GALNTL6: variants seen among roughly 807,000 people sequenced by gnomAD.
GALNTL6 encodes polypeptide N-acetylgalactosaminyltransferase-like 6.
In GALNTL6, 46 loss-of-function variants were observed where a neutral mutation model predicts 73.7. The ratio of observed to expected loss-of-function variants is 0.62; its 90% CI spans 0.49 to 0.80. GALNTL6 has a LOEUF of 0.80. GALNTL6 is among the 30% of genes least tolerant of loss of function. The pLI, the probability that GALNTL6 is intolerant of heterozygous loss-of-function variation, is 0.00. For missense variants in GALNTL6, 604 were observed against 755.0 expected (o/e 0.80, Z 2.34); for synonymous variants, 259 against 263.7 (o/e 0.98, Z 0.17).
intron 3 of GALNTL6, among the ~76,000 whole-genome samples, chr4:172,250,061 A>G (rs1387783136): frequency 6.6e-6 from 1 of 152,022 alleles, no homozygotes; most frequent in Non-Finnish European, 1.5e-5. Context: ...CTCAACACCA[A>G]CCTGTGAAAG....
chr4:172,154,214 C>A (rs1272333813), intron 2 of GALNTL6, among the ~76,000 whole-genome samples: 3 of 150,800 alleles, frequency 2.0e-5, no homozygotes, highest in Non-Finnish European at 4.4e-5. Context: ...GGGAGTAAAC[C>A]CTGACTTTGT....
intron 5 of GALNTL6, among the ~76,000 whole-genome samples, chr4:172,572,021 G>A (rs1736781157): frequency 6.6e-6 from 1 of 151,950 alleles, no homozygotes; most frequent in African/African-American, 2.4e-5. Context: ...ACAAAATATT[G>A]GCCATATCTT....
At chr4:172,478,636 C>A (rs1733327172) in intron 5 of GALNTL6, among the ~76,000 whole-genome samples, 1 of 151,908 alleles carries the variant, frequency 6.6e-6, no homozygotes, top group Admixed American at 6.6e-5. Context: ...AAAGAAAATG[C>A]AACAAAAACA....
At chr4:172,983,776 C>T (rs1334959202) in intron 10 of GALNTL6, among the ~76,000 whole-genome samples, 2 of 152,122 alleles carry the variant, frequency 1.3e-5, no homozygotes, top group African/African-American at 4.8e-5. Flanking sequence ...TCATGGAAAG[C>T]AAGTAGCATA....
intron 5 of GALNTL6, among the ~76,000 whole-genome samples, chr4:172,625,025 G>C (rs1739111376): frequency 6.6e-6 from 1 of 151,752 alleles, no homozygotes; most frequent in Admixed American, 6.6e-5. Flanking sequence ...TTGATTCTTT[G>C]TATGGATTTC....
At chr4:172,885,164 C>T (rs1375996293) in intron 8 of GALNTL6, among the ~76,000 whole-genome samples, 1 of 152,066 alleles carries the variant, frequency 6.6e-6, no homozygotes, top group East Asian at 1.9e-4. Context: ...TGAAGAATGT[C>T]ATTGGTAATT....
chr4:172,714,999 A>C (rs1431189022), intron 5 of GALNTL6, among the ~76,000 whole-genome samples: 2 of 152,290 alleles, frequency 1.3e-5, no homozygotes, highest in South Asian at 2.1e-4. Flanking sequence ...CTTCAAAAAA[A>C]AAAAGGAGGA....
intron 3 of GALNTL6, among the ~76,000 whole-genome samples, chr4:172,243,220 T>C (rs1737509125): frequency 1.3e-5 from 2 of 152,290 alleles, no homozygotes; most frequent in East Asian, 3.9e-4. Context: ...TTCTCATACA[T>C]ATCTTCACAA....
chr4:171,866,570 T>C (rs1184935347), intron 2 of GALNTL6, among the ~76,000 whole-genome samples: 2 of 151,932 alleles, frequency 1.3e-5, no homozygotes, highest in African/African-American at 4.8e-5. Context: ...AATTATGAGA[T>C]TATAACTGTT....
At chr4:172,345,227 G>A (rs1741700684) in intron 4 of GALNTL6, among the ~76,000 whole-genome samples, 2 of 152,038 alleles carry the variant, frequency 1.3e-5, no homozygotes, top group Non-Finnish European at 2.9e-5. Context: ...TCTATAAAGT[G>A]TGGTGTGACT....
chr4:172,789,840 T>G (rs1359681891), intron 5 of GALNTL6, among the ~76,000 whole-genome samples: 1 of 152,222 alleles, frequency 6.6e-6, no homozygotes, highest in African/African-American at 2.4e-5. Context: ...AGAAAGATTC[T>G]GTTTCCTAAG....
chr4:172,955,634 C>G (rs1749702139), intron 10 of GALNTL6, among the ~76,000 whole-genome samples: 1 of 152,098 alleles, frequency 6.6e-6, no homozygotes, highest in Non-Finnish European at 1.5e-5. Context: ...TTACATTCTT[C>G]TAATGTTAAC....
intron 5 of GALNTL6, among the ~76,000 whole-genome samples, chr4:172,553,224 C>T (rs892357410): frequency 6.6e-6 from 1 of 152,184 alleles, no homozygotes; most frequent in Non-Finnish European, 1.5e-5. Context: ...TTACCAGTTT[C>T]TTCCAAGACA....
At chr4:172,168,594 T>C (rs777648240) in intron 2 of GALNTL6, among the ~76,000 whole-genome samples, 3 of 151,030 alleles carry the variant, frequency 2.0e-5, no homozygotes, top group Admixed American at 1.3e-4. Flanking sequence ...ATGGTGGAGG[T>C]GGTGGTGGTG....
chr4:172,620,534 T>G (rs1370442459), intron 5 of GALNTL6, among the ~76,000 whole-genome samples: 3 of 152,182 alleles, frequency 2.0e-5, no homozygotes, highest in African/African-American at 4.8e-5. Flanking sequence ...AATACACTCT[T>G]ATATACAAAC....
intron 2 of GALNTL6, among the ~76,000 whole-genome samples, chr4:171,842,166 C>T (rs1735254531): frequency 6.6e-6 from 1 of 152,100 alleles, no homozygotes; most frequent in African/African-American, 2.4e-5. Flanking sequence ...ATCTTACTTA[C>T]ATTTGTTATT....
At chr4:172,734,784 G>A (rs1042253580) in intron 5 of GALNTL6, among the ~76,000 whole-genome samples, 1 of 152,152 alleles carries the variant, frequency 6.6e-6, no homozygotes, top group African/African-American at 2.4e-5. Flanking sequence ...TCCCTCTACT[G>A]TGTGCAGCCA....
At chr4:172,790,123 C>T (rs1364683293) in intron 5 of GALNTL6, among the ~76,000 whole-genome samples, 2 of 152,196 alleles carry the variant, frequency 1.3e-5, no homozygotes, top group African/African-American at 2.4e-5. Flanking sequence ...AGCCTGGAGA[C>T]AGGTGAAGGT....
chr4:171,906,733 C>T (rs1352369878), intron 2 of GALNTL6, among the ~76,000 whole-genome samples: 3 of 152,106 alleles, frequency 2.0e-5, no homozygotes, highest in Admixed American at 6.5e-5. Flanking sequence ...AACATTGATG[C>T]AAAAATCCTG....
Sources: allele counts gnomAD v4.1 joint callset (sites outside exome capture counted in the v4.1 genomes callset), GRCh38; gene constraint gnomAD v4.1.1; transcripts MANE v1.5; gene names NCBI Gene and HGNC (gene_info 2026-07-23, HGNC 2026-07-21).